The following DRICH1 variants were observed in gnomAD, a reference collection of about 807,000 sequenced individuals.
DRICH1 encodes the protein aspartate rich 1.
A neutral mutation model predicts 39.5 loss-of-function variants in DRICH1; 38 were observed. That is an observed-to-expected ratio of 0.96 (90% CI 0.74 to 1.26). The LOEUF is 1.26. DRICH1 is among the 50% of genes most tolerant of loss of function. DRICH1 has a pLI of 0.00. For missense variants in DRICH1, 279 were observed against 270.4 expected (o/e 1.03, Z -0.22); for synonymous variants, 84 against 99.5 (o/e 0.84, Z 0.93).
At chr22:23,614,331 G>A in intron 8 of DRICH1, 117 bp from the exon 9 acceptor site, 3 of 724,954 alleles carry the variant, frequency 4.1e-6, no homozygotes, top group Non-Finnish European at 7.4e-6. Context: ...GGACTGAGTT[G>A]ATGCTGGGCT....
At chr22:23,608,825 T>A in intron 11 of DRICH1, 57 bp from the exon 12 acceptor site, 1 of 1,543,296 alleles carries the variant, frequency 6.5e-7, no homozygotes, top group South Asian at 1.2e-5. Flanking sequence ...TTGTGCACTA[T>A]GACATCATCC....
At chr22:23,590,278 A>ATT in the DRICH1 span, among the ~76,000 whole-genome samples, 364 of 137,512 alleles carry the variant, frequency 2.6e-3, 3 homozygotes, top group Middle Eastern at 3.8e-3. Flanking sequence ...CAGCCCTTTG[A>ATT]TTTTTTTTTT....
At chr22:23,623,713 G>C (rs1259411171) in intron 3 of DRICH1, among the ~76,000 whole-genome samples, 2 of 152,212 alleles carry the variant, frequency 1.3e-5, no homozygotes, top group African/African-American at 4.8e-5. Flanking sequence ...GAAAAGAATA[G>C]TGTTGGTGGA....
chr22:23,619,166 C>T (rs1462923631), intron 6 of DRICH1, among the ~76,000 whole-genome samples, 198 bp downstream of exon 6: 15 of 122,968 alleles, frequency 1.2e-4, no homozygotes, highest in African/African-American at 4.2e-4. Context: ...AGTGAGACTC[C>T]GTCTCAAAAA....
the DRICH1 span, among the ~76,000 whole-genome samples, chr22:23,601,795 G>T: frequency 1.3e-5 from 2 of 152,178 alleles, no homozygotes; most frequent in African/African-American, 4.8e-5. Flanking sequence ...TTTAAAAAGC[G>T]GTCACATCCT....
intron 1 of DRICH1, among the ~76,000 whole-genome samples, chr22:23,631,538 C>T (rs17002910): frequency 0.12 from 17,734 of 152,070 alleles, 1,218 homozygotes; most frequent in East Asian, 0.24. Context: ...ACCAAACCGG[C>T]CAGATAGGTG....
intron 11 of DRICH1, among the ~76,000 whole-genome samples, chr22:23,611,233 C>T (rs553004919): frequency 1.3e-5 from 2 of 152,248 alleles, no homozygotes; most frequent in South Asian, 2.1e-4. Context: ...CAGCTCTTGG[C>T]GTGTCTCCTG....
chr22:23,600,168 T>C, the DRICH1 span, among the ~76,000 whole-genome samples: 2 of 152,100 alleles, frequency 1.3e-5, no homozygotes, highest in Admixed American at 1.3e-4. Context: ...TCCAGGTACT[T>C]TGTCACTACC....
At chr22:23,586,044 T>C in the DRICH1 span, among the ~76,000 whole-genome samples, 1 of 152,352 alleles carries the variant, frequency 6.6e-6, no homozygotes, top group East Asian at 1.9e-4. Flanking sequence ...GTACTCATTA[T>C]TGTCTTTCAA....
the DRICH1 span, among the ~76,000 whole-genome samples, chr22:23,589,531 T>C: frequency 6.6e-6 from 1 of 151,950 alleles, no homozygotes; most frequent in Non-Finnish European, 1.5e-5. Context: ...ATAAAAAATA[T>C]ATAAATGTTC....
the DRICH1 span, among the ~76,000 whole-genome samples, chr22:23,595,332 G>A: frequency 0.14 from 20,514 of 147,304 alleles, 1,017 homozygotes; most frequent in East Asian, 0.23. Context: ...TTCTGTGTGA[G>A]GAGTGCAGCT....
At chr22:23,621,098 T>C (rs557748009) in intron 4 of DRICH1, among the ~76,000 whole-genome samples, 43 of 152,166 alleles carry the variant, frequency 2.8e-4, no homozygotes, top group Non-Finnish European at 5.6e-4. Context: ...AAATAATGTA[T>C]ACAGTGGTCC....
the DRICH1 span, chr22:23,581,297 C>T: frequency 6.6e-6 from 1 of 152,246 alleles, no homozygotes; most frequent in East Asian, 1.9e-4. Flanking sequence ...AGCCCAGCAT[C>T]CCCGACCCTC....
the DRICH1 span, among the ~76,000 whole-genome samples, chr22:23,603,259 G>A: frequency 6.6e-6 from 1 of 150,584 alleles, no homozygotes; most frequent in Admixed American, 6.6e-5. Flanking sequence ...AGTCTCCCTC[G>A]GGCAGCCCCC....
At chr22:23,618,366 G>A (rs997314675) in intron 6 of DRICH1, among the ~76,000 whole-genome samples, 9 of 151,772 alleles carry the variant, frequency 5.9e-5, no homozygotes, top group South Asian at 4.2e-4. Context: ...CACCCACCTC[G>A]GCCTCCCAAA....
At chr22:23,615,266 C>T (rs1927286565) in intron 8 of DRICH1, among the ~76,000 whole-genome samples, 1 of 152,138 alleles carries the variant, frequency 6.6e-6, no homozygotes, top group South Asian at 2.1e-4. Flanking sequence ...ATTCCAGCTA[C>T]TCAGGAGGCT....
At chr22:23,582,710 G>C in the DRICH1 span, among the ~76,000 whole-genome samples, 1 of 151,966 alleles carries the variant, frequency 6.6e-6, no homozygotes, top group African/African-American at 2.4e-5. Context: ...GTCTACAGGT[G>C]CCCGCCATCA....
intron 7 of DRICH1, 72 bp downstream of exon 7, chr22:23,617,503 T>A: frequency 6.5e-7 from 1 of 1,536,628 alleles, no homozygotes; most frequent in South Asian, 1.1e-5. Flanking sequence ...TTCTTTGGGA[T>A]TGGATTGGTG....
the DRICH1 span, among the ~76,000 whole-genome samples, chr22:23,582,571 T>TTATTATTATTA: frequency 6.8e-6 from 1 of 148,106 alleles, no homozygotes; most frequent in Non-Finnish European, 1.5e-5. Flanking sequence ...ATTATTATTA[T>TTATTATTATTA]TATTATTATT....
Sources: allele counts gnomAD v4.1 joint callset (sites outside exome capture counted in the v4.1 genomes callset), GRCh38; gene constraint gnomAD v4.1.1; transcripts MANE v1.5; gene names NCBI Gene and HGNC (gene_info 2026-07-23, HGNC 2026-07-21).